Variants in HOOK1 observed in about 807,000 individuals in gnomAD.
The protein encoded by HOOK1 is hook microtubule tethering protein 1.
A neutral mutation model predicts 112.8 loss-of-function variants in HOOK1; 60 were observed. The observed-to-expected ratio is 0.53, with a 90% CI of 0.43 to 0.66. HOOK1 has a LOEUF of 0.66. HOOK1 is among the 30% of genes least tolerant of loss of function. HOOK1 has a pLI of 0.00. For synonymous variants in HOOK1, 294 were observed against 283.8 expected (o/e 1.04, Z -0.36); for missense variants, 770 against 856.0 (o/e 0.90, Z 1.25).
At chr1:59,828,621 A>G (rs535815433) in intron 2 of HOOK1, among the ~76,000 whole-genome samples, 159 bp from the exon 3 acceptor site, 24 of 152,262 alleles carry the variant, frequency 1.6e-4, no homozygotes, top group African/African-American at 5.8e-4. Context: ...AATAACTTAA[A>G]TAACTTAATA....
intron 1 of HOOK1, among the ~76,000 whole-genome samples, chr1:59,816,143 G>T (rs1346344682): frequency 1.3e-5 from 2 of 152,126 alleles, no homozygotes; most frequent in Non-Finnish European, 2.9e-5. Context: ...GTAAACAGAC[G>T]GGATCAGGAG....
intron 9 of HOOK1, among the ~76,000 whole-genome samples, chr1:59,846,209 T>G (rs1296697293): frequency 6.6e-6 from 1 of 151,818 alleles, no homozygotes; most frequent in Admixed American, 6.6e-5. Flanking sequence ...GTTTAATTTA[T>G]CGACATGAAG....
At chr1:59,866,226 G>T (rs185558123) in intron 19 of HOOK1, among the ~76,000 whole-genome samples, 7 of 152,322 alleles carry the variant, frequency 4.6e-5, no homozygotes, top group African/African-American at 1.7e-4. Context: ...CAGAGAGAGT[G>T]ATGGCTATAA....
At chr1:59,833,602 C>T in intron 5 of HOOK1, 65 bp downstream of exon 5, 1 of 1,325,988 alleles carries the variant, frequency 7.5e-7, no homozygotes, top group Non-Finnish European at 1.0e-6. Flanking sequence ...GCTATATAAG[C>T]TAGCATTAAA....
chr1:59,859,408 A>G (rs61790296), intron 14 of HOOK1, among the ~76,000 whole-genome samples: 1,692 of 152,194 alleles, frequency 0.011, 18 homozygotes, highest in Middle Eastern at 0.031. Flanking sequence ...GAGAAGTGGT[A>G]AATGTATAAA....
At chr1:59,835,698 A>T (rs1432965737) in intron 6 of HOOK1, among the ~76,000 whole-genome samples, 1 of 152,186 alleles carries the variant, frequency 6.6e-6, no homozygotes, top group Non-Finnish European at 1.5e-5. Context: ...TTTGTGGAAG[A>T]CAATTTTTCC....
chr1:59,868,556 C>T (rs181001085), intron 20 of HOOK1, among the ~76,000 whole-genome samples: 4 of 152,300 alleles, frequency 2.6e-5, no homozygotes, highest in South Asian at 2.1e-4. Flanking sequence ...TTATATGCAG[C>T]GTTGTAGTTG....
intron 12 of HOOK1, among the ~76,000 whole-genome samples, chr1:59,855,796 A>G (rs77989742): frequency 0.086 from 12,854 of 148,710 alleles, 753 homozygotes; most frequent in East Asian, 0.16. Context: ...TTTTTGAGAC[A>G]TGGTCTTGCT....
At chr1:59,869,718 A>G (rs1574229021) in intron 20 of HOOK1, among the ~76,000 whole-genome samples, 1 of 152,198 alleles carries the variant, frequency 6.6e-6, no homozygotes, top group Non-Finnish European at 1.5e-5. Context: ...CCTTGCTATC[A>G]GTGCTTGTCC....
At chr1:59,854,040 T>TATA (rs2098409156) in intron 12 of HOOK1, among the ~76,000 whole-genome samples, 2 of 41,058 alleles carry the variant, frequency 4.9e-5, no homozygotes, top group South Asian at 1.4e-3. Context: ...ATATATATAT[T>TATA]TTTTTTTTTT....
At chr1:59,829,917 G>A (rs2098392578) in intron 3 of HOOK1, among the ~76,000 whole-genome samples, 1 of 151,834 alleles carries the variant, frequency 6.6e-6, no homozygotes, top group Non-Finnish European at 1.5e-5. Context: ...TTTTCATTCA[G>A]TTCAAAATAT....
chr1:59,820,664 A>T (rs1422043309), intron 1 of HOOK1, among the ~76,000 whole-genome samples: 6 of 152,102 alleles, frequency 3.9e-5, no homozygotes, highest in Non-Finnish European at 8.8e-5. Flanking sequence ...CCCTAATTAG[A>T]TTAGTTGACA....
At chr1:59,826,532 G>A (rs75267687) in intron 2 of HOOK1, among the ~76,000 whole-genome samples, 11,127 of 152,120 alleles carry the variant, frequency 0.073, 412 homozygotes, top group African/African-American at 0.11. Context: ...AGGAAGATGA[G>A]GAGGAATGTA....
intron 7 of HOOK1, among the ~76,000 whole-genome samples, chr1:59,837,217 C>A (rs2098398314): frequency 6.6e-6 from 1 of 152,134 alleles, no homozygotes; most frequent in Non-Finnish European, 1.5e-5. Flanking sequence ...CAATTAAAAA[C>A]AAACTCTGCT....
chr1:59,822,895 A>G (rs900876859), intron 2 of HOOK1, among the ~76,000 whole-genome samples: 1 of 152,256 alleles, frequency 6.6e-6, no homozygotes, highest in South Asian at 2.1e-4. Flanking sequence ...TCTCTTGCGA[A>G]TAGACTGATT....
In HOOK1 at chr1:59,858,383, A is replaced by G. The variant is rs1000130914; in HGVS notation, c.1243-45A>G. ...ATTGTAAGCATAAAGTACATTGTTT[A>G]TAGGCAGAATTAAATACTTTGCTGA... On this transcript the variant is annotated intron_variant, in intron 12 of 21. Coordinates refer to ENST00000371208, the MANE Select transcript of HOOK1 (RefSeq NM_015888.6). 25 of 1,135,378 alleles carry G rather than the reference A, an allele frequency of 2.2e-5. No individual in the cohort carries two copies. The Admixed American group carries it at 2.5e-4, about 11-fold the overall frequency. The allele number at this position is 1,135,378 out of a possible 1,614,324, so 70.3% of individuals were successfully genotyped here.
intron 19 of HOOK1, among the ~76,000 whole-genome samples, chr1:59,866,661 C>G (rs1438867705): frequency 6.6e-6 from 1 of 152,100 alleles, no homozygotes; most frequent in Non-Finnish European, 1.5e-5. Flanking sequence ...ATGGGCGAGG[C>G]CTGAAAACAG....
intron 12 of HOOK1, among the ~76,000 whole-genome samples, chr1:59,856,634 T>C (rs1418107892): frequency 6.6e-6 from 1 of 152,170 alleles, no homozygotes; most frequent in East Asian, 1.9e-4. Context: ...TTTAAGTGAC[T>C]TTTTGGGACT....
At chr1:59,821,038 G>A (rs563739080) in intron 1 of HOOK1, among the ~76,000 whole-genome samples, 1 of 152,154 alleles carries the variant, frequency 6.6e-6, no homozygotes, top group South Asian at 2.1e-4. Context: ...TAGTTAAATG[G>A]TAAACTAAGA....
Sources: allele counts gnomAD v4.1 joint callset (sites outside exome capture counted in the v4.1 genomes callset), GRCh38; gene constraint gnomAD v4.1.1; transcripts MANE v1.5; gene names NCBI Gene and HGNC (gene_info 2026-07-23, HGNC 2026-07-21).